Variants in PNKD observed in about 807,000 individuals in gnomAD.
The protein encoded by PNKD is PNKD metallo-beta-lactamase domain containing, also known as probable thioesterase PNKD.
A neutral mutation model predicts 45.3 loss-of-function variants in PNKD; 36 were observed. The observed-to-expected ratio is 0.80, with a 90% CI of 0.61 to 1.05. The LOEUF (loss-of-function observed/expected upper bound fraction) is 1.05. Ranked by LOEUF, PNKD falls within the 50% of genes least tolerant of loss-of-function variation. The pLI is 0.00. For missense variants in PNKD, 511 were observed against 506.6 expected (o/e 1.01, Z -0.08); for synonymous variants, 197 against 210.1 (o/e 0.94, Z 0.54).
intron 2 of PNKD, chr2:218,280,867 A>C (rs1367920417): frequency 1.4e-5 from 2 of 139,104 alleles, no homozygotes; most frequent in Non-Finnish European, 3.0e-5. Flanking sequence ...GCTGGAGTGC[A>C]AAGGCGTGAT....
intron 2 of PNKD, among the ~76,000 whole-genome samples, chr2:218,332,313 G>A (rs1009649766): frequency 6.6e-6 from 1 of 152,252 alleles, no homozygotes; most frequent in Middle Eastern, 3.4e-3. Context: ...TGTTTTGGTT[G>A]CATATGCCAG....
At chr2:218,341,349 G>A (rs1270253180) in intron 5 of PNKD, among the ~76,000 whole-genome samples, 185 bp from the exon 6 acceptor site, 1 of 152,242 alleles carries the variant, frequency 6.6e-6, no homozygotes, top group Non-Finnish European at 1.5e-5. Flanking sequence ...TGGCCAGCTT[G>A]AGTTGTTGGG....
At position 218,340,864 on chromosome 2, in the gene PNKD, G is replaced by T; in HGVS notation, c.524+78G>T. The T allele has an allele frequency of 2.4e-6, 3 of 1,224,888 alleles. No homozygotes were observed. Among genetic ancestry groups the T allele is most frequent in the Non-Finnish European group, 3.6e-6 (3 of 825,442 alleles). The allele number at this position is 1,224,888 out of a possible 1,614,324, so 75.9% of individuals were successfully genotyped here. A position where few individuals can be genotyped will look rare whatever the true frequency, so the allele number is the denominator to read the frequency against. The stretch of plus-strand genomic sequence containing the variant: ...GGACTGGGCCCATTGAGGACGGCCG[G>T]GGCCAGAGATCAAGAAGTCAGTACG... On this transcript the variant is annotated intron_variant, in intron 5 of 9. Transcript: ENST00000273077. This position sits in a 1 kb window ranked among gnomAD's most constrained non-coding sequence, Gnocchi z 4.2.
intron 2 of PNKD, among the ~76,000 whole-genome samples, chr2:218,295,026 G>A (rs1001135076): frequency 2.0e-5 from 3 of 152,032 alleles, no homozygotes; most frequent in Non-Finnish European, 2.9e-5. Flanking sequence ...AATCACCAGC[G>A]ACTCACATCT....
At chr2:218,278,238 A>C in intron 2 of PNKD, 2 of 604,214 alleles carry the variant, frequency 3.3e-6, no homozygotes, top group East Asian at 2.8e-5. Context: ...ATGGGGAGAA[A>C]GTTACTCAGC....
Position 218,272,890 on chromosome 2 carries a change from C to T in PNKD, c.236+1341C>T. Reference sequence around the variant, plus strand: ...GGCTGTTGCCAAACCCTACCCTGCCCCACACCAAGGAGCCAGCCAAAGGCA... The same window carrying T: ...GGCTGTTGCCAAACCCTACCCTGCCTCACACCAAGGAGCCAGCCAAAGGCA... On this transcript the variant is annotated intron_variant, in intron 2 of 9. Coordinates refer to ENST00000273077, the MANE Select transcript of PNKD (RefSeq NM_015488.5). 5.1e-6 allele frequency: 8 copies of T among 1,577,568 alleles called. No homozygotes were observed. The South Asian group carries it at 5.6e-5, about 11-fold the overall frequency.
At chr2:218,309,867 G>A (rs140069496) in intron 2 of PNKD, among the ~76,000 whole-genome samples, 5,708 of 151,728 alleles carry the variant, frequency 0.038, 117 homozygotes, top group African/African-American at 0.048. Context: ...CCTGGGAGGC[G>A]GAGGCTGCGG....
rs1167758595 is a variant in PNKD, at chr2:218,324,997, CTTTT to C, written c.237-14761_237-14758del. 1.1e-4 allele frequency among the ~76,000 whole-genome samples: 7 copies of C among 62,660 alleles called. 1 individual carries two copies. The highest frequency in any genetic ancestry group is 1.6e-4 in the Non-Finnish European group (6 of 36,530). 41.1% of individuals were successfully genotyped at this position (62,660 alleles called of 152,430 possible). On this transcript the variant is annotated intron_variant, in intron 2 of 9. Coordinates refer to ENST00000273077, the MANE Select transcript of PNKD (RefSeq NM_015488.5). ...AACATGAAGGTATCTAAATAATTTT[CTTTT>C]TTTTTTTTTTTTTTTTTTTTTTTTG...
In PNKD at chr2:218,270,614, G is replaced by C. The variant is rs964681626; in HGVS notation, c.67+12G>C. ...CCGCGTCCTCCGGGGTAAGGAGAGG[G>C]ACCCCGGGGAGGGCAGGACTGCAGA... On this transcript the variant is annotated intron_variant, in intron 1 of 9. Coordinates refer to ENST00000273077, the MANE Select transcript of PNKD (RefSeq NM_015488.5). 2 of 893,240 alleles carry C rather than the reference G, an allele frequency of 2.2e-6. No individual in the cohort carries two copies. Among genetic ancestry groups the C allele is most frequent in the Non-Finnish European group, 3.1e-6 (2 of 652,766 alleles). The allele number at this position is 893,240 out of a possible 1,614,324, so 55.3% of individuals were successfully genotyped here. A position where few individuals can be genotyped will look rare whatever the true frequency, so the allele number is the denominator to read the frequency against.
At chr2:218,329,668 C>T (rs1323609776) in intron 2 of PNKD, among the ~76,000 whole-genome samples, 2 of 152,252 alleles carry the variant, frequency 1.3e-5, no homozygotes, top group African/African-American at 2.4e-5. Context: ...CTTTTGACCA[C>T]GGAGCAGCCC....
intron 2 of PNKD, among the ~76,000 whole-genome samples, chr2:218,287,639 G>A (rs556080368): frequency 1.1e-4 from 17 of 152,146 alleles, no homozygotes; most frequent in Non-Finnish European, 1.5e-4. Flanking sequence ...GAACCCGAGA[G>A]GCAGAGGTTG....
chr2:218,299,227 C>T (rs1235231464), intron 2 of PNKD, among the ~76,000 whole-genome samples: 3 of 152,242 alleles, frequency 2.0e-5, no homozygotes, highest in East Asian at 1.9e-4. Context: ...CTGCAACCTC[C>T]GCGTCCGAGG....
chr2:218,278,150 G>A (rs1186493403), intron 2 of PNKD: 3 of 669,148 alleles, frequency 4.5e-6, no homozygotes, highest in South Asian at 1.9e-5. Flanking sequence ...GGACAACATG[G>A]GCCAATGAGA....
chr2:218,314,709 TGA>T (rs1693722623), intron 2 of PNKD, among the ~76,000 whole-genome samples: 1 of 151,886 alleles, frequency 6.6e-6, no homozygotes, highest in South Asian at 2.1e-4. Flanking sequence ...TTTTTCTTTT[TGA>T]GAGAGTCTCA....
chr2:218,306,120 G>C (rs1315856409), intron 2 of PNKD, among the ~76,000 whole-genome samples: 1 of 152,174 alleles, frequency 6.6e-6, no homozygotes, highest in East Asian at 1.9e-4. Context: ...ATCAGGGCAG[G>C]CTGGCAGACG....
In PNKD at chr2:218,343,693, G is replaced by T. The variant is rs1054092361; in HGVS notation, c.868+107G>T. The stretch of plus-strand genomic sequence containing the variant: ...TAGAAAGCAGGCCAGCCCAGTTCCT[G>T]GCCCAGAAGCGACACAGCTCCACCT... On this transcript the variant is annotated intron_variant, in intron 8 of 9. Transcript: ENST00000273077. 1.7e-5 allele frequency: 14 copies of T among 830,932 alleles called. No homozygotes were observed. The African/African-American group carries it at 2.4e-4, about 14-fold the overall frequency. The allele number at this position is 830,932 out of a possible 1,614,324, so 51.5% of individuals were successfully genotyped here. A position where few individuals can be genotyped will look rare whatever the true frequency, so the allele number is the denominator to read the frequency against.
At chr2:218,281,756 G>C (rs1158710104) in intron 2 of PNKD, among the ~76,000 whole-genome samples, 1 of 152,174 alleles carries the variant, frequency 6.6e-6, no homozygotes, top group Non-Finnish European at 1.5e-5. Context: ...AGTGGCTGGG[G>C]GCCAGTTGCT....
At chr2:218,293,770 GTTTT>G (rs1693061356) in intron 2 of PNKD, among the ~76,000 whole-genome samples, 1 of 88,478 alleles carries the variant, frequency 1.1e-5, no homozygotes, top group East Asian at 3.2e-4. Context: ...TTGCTTGTTT[GTTTT>G]GTTTGGTTTG....
chr2:218,344,615 A>G (rs1406982425), intron 9 of PNKD, 45 bp downstream of exon 9: 1 of 1,525,184 alleles, frequency 6.6e-7, no homozygotes, highest in South Asian at 1.1e-5. Flanking sequence ...GCAGGCACTC[A>G]GCCCCAACGG....
Sources: gnomAD v4.1 joint callset for allele counts (sites outside exome capture counted in the v4.1 genomes callset) on GRCh38, gnomAD v4.1.1 for gene constraint, Gnocchi (gnomAD v3.1) non-coding constraint, MANE v1.5 for transcripts, NCBI Gene and HGNC (gene_info 2026-07-23, HGNC 2026-07-21) for gene names.